Variants in RNF6 observed in about 807,000 individuals in gnomAD.
RNF6 encodes the protein ring finger protein 6.
In RNF6, 21 loss-of-function variants were observed where a neutral mutation model predicts 50.1. The observed-to-expected ratio is 0.42, with a 90% CI of 0.30 to 0.60. RNF6 has a LOEUF of 0.60. Ranked by LOEUF, RNF6 falls within the 20% of genes least tolerant of loss-of-function variation. RNF6 has a pLI of 0.20. For missense variants in RNF6, 698 were observed against 838.2 expected, an observed-to-expected ratio of 0.83 and a Z score of 2.07; for synonymous variants, 255 against 291.8, an observed-to-expected ratio of 0.87 and a Z score of 1.29.
intron 5 of RNF6, among the ~76,000 whole-genome samples, chr13:26,192,033 G>A (rs1332013027): frequency 6.6e-6 from 1 of 152,192 alleles, no homozygotes; most frequent in Non-Finnish European, 1.5e-5. Context: ...TAGCCTAAAT[G>A]GCTGAAGTTA....
At chr13:26,145,454 G>GTC (rs1871180345) in intron 5 of RNF6, among the ~76,000 whole-genome samples, 11 of 151,384 alleles carry the variant, frequency 7.3e-5, no homozygotes, top group Admixed American at 2.6e-4. Context: ...ATGGGGAGGG[G>GTC]GGGGGACTTC....
rs575470053 is a variant in RNF6 at position 26,133,159 on chromosome 13, T to C, written n.769-708A>G. Among the ~76,000 whole-genome samples the C allele has an allele frequency of 2.2e-4, 34 of 152,344 alleles. No homozygotes were observed. In the South Asian group the frequency reaches 6.6e-3, roughly 30 times the overall value. ...CAGGAAGACAGTGGATTTTTAAGTA[T>C]TGAAATAAAAGACCTCTAGATTGAT... On this transcript the variant is annotated intron_variant and non_coding_transcript_variant, in intron 5 of 5. Transcript: ENST00000468480.
chr13:26,194,023 T>G lies in RNF6; in HGVS notation n.768+21451A>C, dbSNP rs1013132217. Among the ~76,000 whole-genome samples, 89 of 152,306 alleles carry G rather than the reference T, an allele frequency of 5.8e-4. 1 individual carries two copies. The highest frequency in any genetic ancestry group is 2.0e-3 in the African/African-American group (83 of 41,568). ...TTTAAATAATAAGATATAAAATAGT[T>G]ACCTAGGATGATGGCACAAATGCAC... On this transcript the variant is annotated intron_variant and non_coding_transcript_variant, in intron 5 of 5. Transcript: ENST00000468480.
chr13:26,193,489 G>A (rs1054447498), intron 5 of RNF6, among the ~76,000 whole-genome samples: 1 of 152,144 alleles, frequency 6.6e-6, no homozygotes, highest in Non-Finnish European at 1.5e-5. Context: ...GGTAGACATT[G>A]GTGACTTTGA....
intron 5 of RNF6, among the ~76,000 whole-genome samples, chr13:26,160,347 C>A (rs1327445476): frequency 1.3e-5 from 2 of 152,012 alleles, no homozygotes; most frequent in Non-Finnish European, 2.9e-5. Flanking sequence ...CATAATTTTA[C>A]AATTTTATAA....
intron 5 of RNF6, among the ~76,000 whole-genome samples, chr13:26,144,427 C>A (rs1593144730): frequency 6.6e-6 from 1 of 150,814 alleles, no homozygotes; most frequent in African/African-American, 2.4e-5. Flanking sequence ...CATACCTCTT[C>A]TCCAAATTTC....
chr13:26,160,033 A>G (rs549347085), intron 5 of RNF6, among the ~76,000 whole-genome samples: 5 of 152,178 alleles, frequency 3.3e-5, no homozygotes, highest in Admixed American at 2.0e-4. Flanking sequence ...GATCATTTCT[A>G]CTCACTGAAA....
chr13:26,159,280 A>G (rs534027369), intron 5 of RNF6, among the ~76,000 whole-genome samples: 1 of 152,314 alleles, frequency 6.6e-6, no homozygotes, highest in Admixed American at 6.5e-5. Context: ...TATTTCATCA[A>G]TTGTAGTAGT....
chr13:26,141,283 C>T (rs1290496289), intron 5 of RNF6, among the ~76,000 whole-genome samples: 2 of 152,012 alleles, frequency 1.3e-5, no homozygotes, highest in Non-Finnish European at 2.9e-5. Context: ...CAAAAATTAG[C>T]TGGGCGTGGT....
chr13:26,174,153 C>T (rs559647575), intron 5 of RNF6, among the ~76,000 whole-genome samples: 19 of 152,198 alleles, frequency 1.2e-4, no homozygotes, highest in African/African-American at 4.6e-4. Context: ...TACATATGAA[C>T]TTCCTATTTC....
In RNF6 at chr13:26,214,748, T is replaced by C; in HGVS notation, c.1134A>G (p.Val378=). 1 of 1,614,242 alleles carries C rather than the reference T, an allele frequency of 6.2e-7. No individual in the cohort carries two copies. Among genetic ancestry groups the C allele is most frequent in the Non-Finnish European group, 8.5e-7 (1 of 1,180,044 alleles). ...ATCTGCTGGATTCTTCTCCTTCTTC[T>C]ACTGTTATTCTTGACACAAGCCTTG... The part of the protein sequence containing the change: ...SNSRLVSRIT[V]EEGEESSRSS... The change falls in exon 5 of 5, where the codon GTA becomes GTG. Residue 378 remains valine (V), a synonymous_variant. Transcript: ENST00000381588.
At chr13:26,134,675 T>C (rs1440581035) in intron 5 of RNF6, among the ~76,000 whole-genome samples, 1 of 152,104 alleles carries the variant, frequency 6.6e-6, no homozygotes, top group Non-Finnish European at 1.5e-5. Flanking sequence ...TTCGTAGGTT[T>C]TTTCTTTATA....
chr13:26,183,900 T>G (rs1324789685), intron 5 of RNF6, among the ~76,000 whole-genome samples: 1 of 2,626 alleles, frequency 3.8e-4, no homozygotes, highest in Non-Finnish European at 3.0e-3. Context: ...TTATACTTAT[T>G]TATATATGTA....
intron 5 of RNF6, among the ~76,000 whole-genome samples, chr13:26,174,762 G>A (rs1872871374): frequency 6.6e-6 from 1 of 152,114 alleles, no homozygotes; most frequent in Non-Finnish European, 1.5e-5. Flanking sequence ...CCCCTGGAAT[G>A]AGAGGACCTC....
At chr13:26,170,495 TG>T (rs5802364) in intron 5 of RNF6, among the ~76,000 whole-genome samples, 112,676 of 151,534 alleles carry the variant, frequency 0.74, 42,140 homozygotes, top group East Asian at 0.8. Context: ...TATCCATGCG[TG>T]AAGATGGAGG....
intron 2 of RNF6, among the ~76,000 whole-genome samples, chr13:26,220,733 G>A (rs891938778): frequency 1.3e-5 from 2 of 152,196 alleles, no homozygotes; most frequent in African/African-American, 4.8e-5. Flanking sequence ...TGTCACTAAA[G>A]GGTATGAGTA....
intron 5 of RNF6, among the ~76,000 whole-genome samples, chr13:26,178,432 AT>A (rs1367828644): frequency 5.3e-5 from 8 of 149,730 alleles, no homozygotes; most frequent in African/African-American, 2.0e-4. Flanking sequence ...CTCTATCCCC[AT>A]GACCTAAACA....
At chr13:26,142,860 C>G (rs1328028473) in intron 5 of RNF6, among the ~76,000 whole-genome samples, 1 of 151,954 alleles carries the variant, frequency 6.6e-6, no homozygotes, top group East Asian at 1.9e-4. Flanking sequence ...CACATGTAGC[C>G]CCTGAATCTA....
intron 5 of RNF6, among the ~76,000 whole-genome samples, chr13:26,146,080 A>G (rs773781719): frequency 2.0e-5 from 3 of 152,174 alleles, no homozygotes; most frequent in Admixed American, 2.0e-4. Context: ...GTCCATTCAG[A>G]GATAGTGTCC....
Sources: allele counts gnomAD v4.1 joint callset (sites outside exome capture counted in the v4.1 genomes callset), GRCh38; gene constraint gnomAD v4.1.1; transcripts MANE v1.5; gene names NCBI Gene and HGNC (gene_info 2026-07-23, HGNC 2026-07-21).